Variants in RABL2B observed in about 807,000 individuals in gnomAD.
The protein encoded by RABL2B is rab-like protein 2B.
Under a neutral mutation model 26.7 loss-of-function variants are expected in RABL2B, and 17 were observed. The ratio of observed to expected loss-of-function variants is 0.64; its 90% CI spans 0.44 to 0.95. The LOEUF (loss-of-function observed/expected upper bound fraction) is 0.95, where lower values mean the gene tolerates loss of function less well. RABL2B is among the 40% of genes least tolerant of loss of function. The pLI, the probability that RABL2B is intolerant of heterozygous loss-of-function variation, is 0.00. For synonymous variants in RABL2B, 70 were observed against 103.9 expected, an observed-to-expected ratio of 0.67 and a Z score of 1.99; for missense variants, 170 against 277.2, an observed-to-expected ratio of 0.61 and a Z score of 2.75.
At chr22:50,772,551 C>A (rs1484664350) in intron 5 of RABL2B, 71 of 994,236 alleles carry the variant, frequency 7.1e-5, no homozygotes, top group Non-Finnish European at 8.3e-5. Flanking sequence ...GCTGACCTCA[C>A]TTCTAAATCA....
At position 50,782,182 on chromosome 22, in the gene RABL2B, A is replaced by T; in HGVS notation, c.107+6T>A. ...CTGGTATTTATTCCCTAATCTCCCA[A>T]CATACTTGGATTTGCCCACTGCGCT... On this transcript the variant is annotated splice_donor_region_variant and intron_variant, in intron 2 of 8. Coordinates refer to ENST00000691320, the MANE Select transcript of RABL2B (RefSeq NM_001130919.3). The T allele has an allele frequency of 6.6e-7, 1 of 1,504,686 alleles. No homozygotes were observed. The highest frequency in any genetic ancestry group is 9.1e-7 in the Non-Finnish European group (1 of 1,102,128). The allele number at this position is 1,504,686 out of a possible 1,614,324, so 93.2% of individuals were successfully genotyped here.
At chr22:50,775,321 G>A (rs1243664171) in intron 5 of RABL2B, among the ~76,000 whole-genome samples, 1 of 152,160 alleles carries the variant, frequency 6.6e-6, no homozygotes, top group Non-Finnish European at 1.5e-5. Context: ...CAACACAATG[G>A]GAGGCTCGGG....
intron 2 of RABL2B, among the ~76,000 whole-genome samples, chr22:50,779,934 T>C (rs1375435310): frequency 6.6e-6 from 1 of 152,014 alleles, no homozygotes; most frequent in Non-Finnish European, 1.5e-5. Context: ...TGAGCCGAGA[T>C]TGCCCCACTG....
chr22:50,776,614 C>T (rs528061669), intron 4 of RABL2B, 56 bp downstream of exon 4: 14 of 1,556,268 alleles, frequency 9.0e-6, no homozygotes, highest in African/African-American at 8.2e-5. Context: ...CACCTCCCCT[C>T]GTCTCCCATT....
At position 50,769,482 on chromosome 22, in the gene RABL2B, C is replaced by T. The variant is rs138665583; in HGVS notation, c.480G>A (p.Ser160=). ...TCACAACATTGGTACCATCAGCAGC[C>T]GAGACGAAATACAGGGGCAGGGAGA... The part of the protein sequence containing the change: ...KKFSLPLYFV[S]AADGTNVVKL... The change falls in exon 7 of 9, where the codon TCG becomes TCA. Residue 160 remains serine, a synonymous_variant. Coordinates refer to ENST00000691320, the MANE Select transcript of RABL2B (RefSeq NM_001130919.3). 8.1e-6 allele frequency: 13 copies of T among 1,611,558 alleles called. No homozygotes were observed. The highest frequency in any genetic ancestry group is 5.5e-5 in the South Asian group (5 of 91,006).
intron 5 of RABL2B, among the ~76,000 whole-genome samples, 159 bp downstream of exon 5, chr22:50,775,613 G>A (rs552187191): frequency 0.021 from 3,133 of 152,070 alleles, 96 homozygotes; most frequent in African/African-American, 0.071. Context: ...TCACTAAGAA[G>A]CTCTGGGGAG....
At chr22:50,781,089 C>G (rs540971618) in intron 2 of RABL2B, among the ~76,000 whole-genome samples, 2 of 151,916 alleles carry the variant, frequency 1.3e-5, no homozygotes, top group African/African-American at 2.4e-5. Context: ...GCCTATAATC[C>G]CAGCACTTTC....
intron 5 of RABL2B, among the ~76,000 whole-genome samples, chr22:50,774,396 TG>T (rs2084661626): frequency 1.3e-5 from 2 of 151,074 alleles, no homozygotes; most frequent in Admixed American, 1.3e-4. Context: ...TTTGGATACT[TG>T]ATCTTGGGAT....
chr22:50,771,971 T>C (rs2084255526), intron 5 of RABL2B: 1 of 152,168 alleles, frequency 6.6e-6, no homozygotes, highest in Admixed American at 6.5e-5. Flanking sequence ...ATTGTATTAC[T>C]TTATAATTTG....
At chr22:50,771,154 T>C (rs2084102208) in intron 5 of RABL2B, 1 of 152,214 alleles carries the variant, frequency 6.6e-6, no homozygotes, top group East Asian at 1.9e-4. Context: ...GTGATTCTCT[T>C]GTCTCGGCCT....
intron 5 of RABL2B, chr22:50,773,007 G>C: frequency 7.8e-7 from 1 of 1,278,802 alleles, no homozygotes; most frequent in Non-Finnish European, 1.0e-6. Flanking sequence ...GCTGGTGGCA[G>C]GCACCTGCAG....
In RABL2B at chr22:50,782,037, T is replaced by A; in HGVS notation, c.107+151A>T. 2.6e-6 allele frequency: 4 copies of A among 1,540,000 alleles called. 1 individual carries two copies. The South Asian group carries it at 3.5e-5, about 14-fold the overall frequency. ...CTGACACACACAACGGCTCACGTGA[T>A]TCCCCTCGTTCCCCCATGAACATCT... On this transcript the variant is annotated intron_variant, in intron 2 of 8. Transcript: ENST00000691320.
rs3888556 is a variant in RABL2B, at chr22:50,767,985, T to C, written c.*791A>G. ...AACAGATGATTGGGGCCGGGCGCGG[T>C]GGCTCATGCCTGTAATCCCAGCACT... On this transcript the variant is annotated 3_prime_UTR_variant, in exon 9 of 9. Coordinates refer to ENST00000691320, the MANE Select transcript of RABL2B (RefSeq NM_001130919.3). 9.6e-6 allele frequency: 3 copies of C among 312,410 alleles called. No homozygotes were observed. In the East Asian group the frequency reaches 3.6e-4, roughly 37 times the overall value. 19.4% of individuals were successfully genotyped at this position (312,410 alleles called of 1,614,324 possible). A position where few individuals can be genotyped will look rare whatever the true frequency, so the allele number is the denominator to read the frequency against.
In RABL2B at chr22:50,769,560, G is replaced by A; in HGVS notation, c.410-8C>T. The stretch of plus-strand genomic sequence containing the variant: ...GGGTCACGTTTATGTCTGCTGTAGA[G>A]AGAAGGTAGGACATTGGTCTGTCTG... On this transcript the variant is annotated splice_region_variant and splice_polypyrimidine_tract_variant and intron_variant, in intron 6 of 8. Coordinates refer to ENST00000691320, the MANE Select transcript of RABL2B (RefSeq NM_001130919.3). 1 of 1,610,370 alleles carries A rather than the reference G, an allele frequency of 6.2e-7. No homozygotes were observed. Among genetic ancestry groups the A allele is most frequent in the Non-Finnish European group, 8.5e-7 (1 of 1,179,638 alleles).
intron 2 of RABL2B, among the ~76,000 whole-genome samples, chr22:50,778,907 A>G (rs1365009654): frequency 7.3e-5 from 11 of 149,674 alleles, no homozygotes; most frequent in Non-Finnish European, 1.5e-4. Flanking sequence ...TGAATTGTAA[A>G]AGGAGGATAG....
chr22:50,781,213 A>G (rs186168008), intron 2 of RABL2B, among the ~76,000 whole-genome samples: 502 of 151,746 alleles, frequency 3.3e-3, no homozygotes, highest in Admixed American at 5.0e-3. Flanking sequence ...GTGTGGTGGC[A>G]GGCGCCTGTA....
intron 2 of RABL2B, among the ~76,000 whole-genome samples, chr22:50,780,042 C>G (rs571047916): frequency 1.3e-5 from 2 of 152,128 alleles, no homozygotes; most frequent in East Asian, 3.9e-4. Flanking sequence ...CAAAAGAAAT[C>G]TGGTCGGGTG....
intron 2 of RABL2B, among the ~76,000 whole-genome samples, chr22:50,781,520 GAAGGTAGAAACC>G (rs2085879030): frequency 6.6e-6 from 1 of 152,048 alleles, no homozygotes; most frequent in Non-Finnish European, 1.5e-5. Context: ...TTATAAAAAT[GAAGGTAGAAACC>G]AAGGTGGGCC....
intron 2 of RABL2B, among the ~76,000 whole-genome samples, chr22:50,779,767 T>C (rs2085513418): frequency 6.6e-6 from 1 of 152,072 alleles, no homozygotes; most frequent in Admixed American, 6.5e-5. Flanking sequence ...ACAGATCACT[T>C]GAGGTTAGGA....
Sources: gnomAD v4.1 joint callset for allele counts (sites outside exome capture counted in the v4.1 genomes callset) on GRCh38, gnomAD v4.1.1 for gene constraint, MANE v1.5 for transcripts, NCBI Gene and HGNC (gene_info 2026-07-23, HGNC 2026-07-21) for gene names.